The following ZNF469 variants were observed in gnomAD, a reference collection of about 807,000 sequenced individuals.
ZNF469 encodes zinc finger protein 469.
Under a neutral mutation model 1.0 loss-of-function variants are expected in ZNF469, and 1 was observed. That is an observed-to-expected ratio of 1.00 (90% CI 0.35 to 4.73). ZNF469 has a LOEUF of 4.73. Among genes scored for constraint, ZNF469 ranks in the 30% most tolerant of loss-of-function variants. ZNF469 has a pLI of 0.16. For synonymous variants in ZNF469, 2,703 were observed against 2,363.4 expected (o/e 1.14, Z -4.17); for missense variants, 6,100 against 5,356.3 (o/e 1.14, Z -4.33).
chr16:88,136,290 C>T, the ZNF469 span, among the ~76,000 whole-genome samples: 1 of 152,230 alleles, frequency 6.6e-6, no homozygotes, highest in Non-Finnish European at 1.5e-5. Context: ...CCCATCTGGC[C>T]CGCCCTACAG....
chr16:88,263,442 G>A, the ZNF469 span, among the ~76,000 whole-genome samples: 6 of 152,228 alleles, frequency 3.9e-5, no homozygotes, highest in South Asian at 2.1e-4. Context: ...CCGCTCGCGG[G>A]AAGAGGTCAC....
the ZNF469 span, among the ~76,000 whole-genome samples, chr16:88,130,443 G>A: frequency 3.9e-5 from 6 of 152,108 alleles, no homozygotes; most frequent in South Asian, 2.1e-4. Context: ...GGACTTCACC[G>A]GCACCAGGTT....
At chr16:88,186,225 A>G in the ZNF469 span, among the ~76,000 whole-genome samples, 1 of 152,234 alleles carries the variant, frequency 6.6e-6, no homozygotes, top group Non-Finnish European at 1.5e-5. Flanking sequence ...TTCCAAAGCC[A>G]GTCCTTCACG....
the ZNF469 span, among the ~76,000 whole-genome samples, chr16:88,117,985 C>G: frequency 6.6e-6 from 1 of 152,382 alleles, no homozygotes; most frequent in African/African-American, 2.4e-5. Flanking sequence ...CTCTGTCGCC[C>G]AGGCTGGAGT....
chr16:88,345,723 A>T, the ZNF469 span, among the ~76,000 whole-genome samples: 1 of 151,952 alleles, frequency 6.6e-6, no homozygotes, highest in East Asian at 1.9e-4. Context: ...CCACCAAAAC[A>T]CTGGCTCCAG....
intron 1 of ZNF469, among the ~76,000 whole-genome samples, chr16:88,401,339 C>T (rs771256844): frequency 1.3e-5 from 2 of 152,340 alleles, no homozygotes; most frequent in South Asian, 4.1e-4. Flanking sequence ...TACTCCAGGA[C>T]GCCACAGCAC....
At chr16:88,280,162 G>A in the ZNF469 span, among the ~76,000 whole-genome samples, 13 of 151,168 alleles carry the variant, frequency 8.6e-5, no homozygotes, top group African/African-American at 3.2e-4. Context: ...ATCAGTGCAC[G>A]GTTAGTGCTG....
chr16:88,315,246 G>T, the ZNF469 span, among the ~76,000 whole-genome samples: 3 of 152,230 alleles, frequency 2.0e-5, no homozygotes, highest in Non-Finnish European at 4.4e-5. Context: ...CACGAGATCT[G>T]TGTGGTCGGA....
intron 1 of ZNF469, among the ~76,000 whole-genome samples, chr16:88,411,736 T>G (rs1905174331): frequency 6.6e-6 from 1 of 152,170 alleles, no homozygotes; most frequent in Non-Finnish European, 1.5e-5. Flanking sequence ...CTGGGGCCTC[T>G]CACTCTGTGT....
At position 88,429,003 on chromosome 16, in the gene ZNF469, C is replaced by T. The variant is rs1052914598; in HGVS notation, c.1533C>T (p.Pro511=). The T allele has an allele frequency of 1.8e-5, 28 of 1,549,442 alleles. No individual in the cohort carries two copies. Among genetic ancestry groups the T allele is most frequent in the Non-Finnish European group, 2.4e-5 (27 of 1,146,750 alleles). ...GGCTGCCTTTCCCCGCGGGGGGCCC[C>T]GAGTGGCAGGGGGGCAGCCAAGGAG... ...LSRLPFPAGG[P]EWQGGSQGAL... Residue 511 remains proline, a synonymous_variant, in exon 3 of 3, where the codon CCC becomes CCT. Coordinates refer to ENST00000565624, the MANE Select transcript of ZNF469 (RefSeq NM_001367624.2).
At chr16:88,348,497 C>T in the ZNF469 span, among the ~76,000 whole-genome samples, 13 of 152,330 alleles carry the variant, frequency 8.5e-5, no homozygotes, top group Admixed American at 6.5e-5. Flanking sequence ...GCCACCATTG[C>T]ACCTGCCTCA....
At chr16:88,269,331 A>G in the ZNF469 span, among the ~76,000 whole-genome samples, 1 of 151,578 alleles carries the variant, frequency 6.6e-6, no homozygotes, top group Non-Finnish European at 1.5e-5. Flanking sequence ...GGCCGGGCCT[A>G]TGACAGGTGG....
At chr16:88,122,282 G>A in the ZNF469 span, among the ~76,000 whole-genome samples, 1 of 148,216 alleles carries the variant, frequency 6.7e-6, no homozygotes, top group Non-Finnish European at 1.5e-5. Flanking sequence ...CCCATCACTT[G>A]CTACGGCCAC....
chr16:88,327,975 C>T, the ZNF469 span, among the ~76,000 whole-genome samples: 1 of 152,236 alleles, frequency 6.6e-6, no homozygotes, highest in Non-Finnish European at 1.5e-5. Flanking sequence ...ACCTGCTGTC[C>T]CAGCCAATGG....
the ZNF469 span, among the ~76,000 whole-genome samples, chr16:88,131,867 G>A: frequency 1.3e-5 from 2 of 152,206 alleles, no homozygotes; most frequent in African/African-American, 4.8e-5. Context: ...TTCCCCTCCT[G>A]GTGGGTGGCT....
At chr16:88,282,663 G>A in the ZNF469 span, among the ~76,000 whole-genome samples, 14 of 152,276 alleles carry the variant, frequency 9.2e-5, no homozygotes, top group South Asian at 1.0e-3. Flanking sequence ...CTGCTCAGCC[G>A]TTAAGCAGCT....
At chr16:88,217,447 T>A in the ZNF469 span, among the ~76,000 whole-genome samples, 1,493 of 152,170 alleles carry the variant, frequency 9.8e-3, 21 homozygotes, top group African/African-American at 0.034. Flanking sequence ...TCTTTTTTTT[T>A]ATTATTATTA....
intron 1 of ZNF469, among the ~76,000 whole-genome samples, chr16:88,409,848 TGTG>T (rs1271582778): frequency 3.8e-5 from 3 of 79,284 alleles, no homozygotes; most frequent in African/African-American, 1.7e-4. Flanking sequence ...GTGCGACAGG[TGTG>T]GTGGCCATCT....
chr16:88,397,745 G>A (rs142082832), intron 1 of ZNF469, among the ~76,000 whole-genome samples: 3 of 152,228 alleles, frequency 2.0e-5, no homozygotes, highest in Non-Finnish European at 4.4e-5. Flanking sequence ...TCCTCTGTAA[G>A]ATCTCTTCTT....
Sources: gnomAD v4.1 joint callset for allele counts (sites outside exome capture counted in the v4.1 genomes callset) on GRCh38, gnomAD v4.1.1 for gene constraint, MANE v1.5 for transcripts, NCBI Gene and HGNC (gene_info 2026-07-23, HGNC 2026-07-21) for gene names.